The following TOR1B variants were observed in gnomAD, a reference collection of about 807,000 sequenced individuals.
TOR1B encodes the protein torsin family 1 member B, also known as torsin-1B.
Under a neutral mutation model 29.2 loss-of-function variants are expected in TOR1B, and 14 were observed. The observed-to-expected ratio is 0.48, with a 90% CI of 0.32 to 0.75. TOR1B has a LOEUF of 0.75. TOR1B is among the 30% of genes least tolerant of loss of function. The pLI, the probability that TOR1B is intolerant of heterozygous loss-of-function variation, is 0.04. For synonymous variants in TOR1B, 166 were observed against 179.8 expected (o/e 0.92, Z 0.62); for missense variants, 400 against 433.9 (o/e 0.92, Z 0.69).
Position 129,807,241 on chromosome 9 carries a change from T to C in TOR1B, c.519T>C (p.Val173=), listed in dbSNP as rs1025330729. ...ATGTGAGTGCATGTGCGAACTCTGT[T>C]TTCATATTTGACGAGATGGATAAAT... The part of the protein sequence containing the change: ...RGNVSACANS[V]FIFDEMDKLH... The change falls in exon 3 of 5, where the codon GTT becomes GTC. Residue 173 remains valine (V), a synonymous_variant. Coordinates refer to ENST00000259339, the MANE Select transcript of TOR1B (RefSeq NM_014506.3). 1 of 1,614,132 alleles carries C rather than the reference T, an allele frequency of 6.2e-7. No homozygotes were observed. The highest frequency in any genetic ancestry group is 1.1e-5 in the South Asian group (1 of 91,084).
chr9:129,806,294 CG>C (rs1332233230), intron 2 of TOR1B, among the ~76,000 whole-genome samples: 1 of 152,138 alleles, frequency 6.6e-6, no homozygotes, highest in East Asian at 1.9e-4. Flanking sequence ...CATAAATCTC[CG>C]GAAACAGAGT....
In TOR1B at chr9:129,809,742, A is replaced by G. The variant is rs1270057744; in HGVS notation, c.*159A>G. 1 of 1,432,332 alleles carries G rather than the reference A, an allele frequency of 7.0e-7. No homozygotes were observed. The highest frequency in any genetic ancestry group is 9.1e-7 in the Non-Finnish European group (1 of 1,098,570). 88.7% of individuals were successfully genotyped at this position (1,432,332 alleles called of 1,614,324 possible). A position where few individuals can be genotyped will look rare whatever the true frequency, so the allele number is the denominator to read the frequency against. On this transcript the variant is annotated 3_prime_UTR_variant, in exon 5 of 5. Coordinates refer to ENST00000259339, the MANE Select transcript of TOR1B (RefSeq NM_014506.3). Reference sequence around the variant, plus strand: ...TTTTGAGAAGAGGTCTCACTCCGTCATCCAAGCTGGAGTGCAGTGGTGCAA... The same window carrying G: ...TTTTGAGAAGAGGTCTCACTCCGTCGTCCAAGCTGGAGTGCAGTGGTGCAA...
intron 3 of TOR1B, among the ~76,000 whole-genome samples, chr9:129,807,862 GAAAT>G (rs2030597025): frequency 7.1e-6 from 1 of 139,976 alleles, no homozygotes; most frequent in African/African-American, 2.7e-5. Context: ...AAAAAAAAAA[GAAAT>G]AATCACTGAT....
At chr9:129,803,490 G>A in intron 1 of TOR1B, 79 bp downstream of exon 1, 1 of 1,260,756 alleles carries the variant, frequency 7.9e-7, no homozygotes, top group Non-Finnish European at 9.9e-7. Context: ...GGCCTCGTGG[G>A]CGCCTGGCAC....
chr9:129,810,339 G>T lies in TOR1B; in HGVS notation c.*756G>T. 1 of 1,172,376 alleles carries T rather than the reference G, an allele frequency of 8.5e-7. No homozygotes were observed. The highest frequency in any genetic ancestry group is 1.5e-5 in the South Asian group (1 of 68,840). 72.6% of individuals were successfully genotyped at this position (1,172,376 alleles called of 1,614,324 possible). A position where few individuals can be genotyped will look rare whatever the true frequency, so the allele number is the denominator to read the frequency against. Reference sequence around the variant, plus strand: ...GCACTCTTGATCTGAGCTGACCTGTGTGTGTGTGTGTGGGGGGGTGGGGCC... The same window carrying T: ...GCACTCTTGATCTGAGCTGACCTGTTTGTGTGTGTGTGGGGGGGTGGGGCC... On this transcript the variant is annotated 3_prime_UTR_variant, in exon 5 of 5. Transcript: ENST00000259339.
intron 1 of TOR1B, 59 bp from the exon 2 acceptor site, chr9:129,804,014 G>A: frequency 6.2e-7 from 1 of 1,600,344 alleles, no homozygotes; most frequent in South Asian, 1.1e-5. Context: ...AGAAAGTGCT[G>A]CGTTGCTGAT....
At chr9:129,806,120 C>CA (rs34263616) in intron 2 of TOR1B, among the ~76,000 whole-genome samples, 10,564 of 122,548 alleles carry the variant, frequency 0.086, 459 homozygotes, top group Non-Finnish European at 0.11. Flanking sequence ...GACTCTATCT[C>CA]AAAAAAAAAA....
rs1159101885 is a variant in TOR1B at position 129,809,355 on chromosome 9, C to T, written c.783C>T (p.His261=). The part of the protein sequence containing the change: ...VFNNKHSGLW[H]SGLIDKNLID... ...CTTGTTCTGCAGGTGGCCTGTGGCA[C>T]AGTGGACTGATCGACAAAAACCTCA... Residue 261 remains histidine (H), a synonymous_variant, in exon 5 of 5, where the codon CAC becomes CAT. Coordinates refer to ENST00000259339, the MANE Select transcript of TOR1B (RefSeq NM_014506.3). The T allele has an allele frequency of 6.2e-7, 1 of 1,614,184 alleles. No individual in the cohort carries two copies. The highest frequency in any genetic ancestry group is 8.5e-7 in the Non-Finnish European group (1 of 1,180,042).
At chr9:129,805,237 C>T (rs1338626362) in intron 2 of TOR1B, among the ~76,000 whole-genome samples, 1 of 151,764 alleles carries the variant, frequency 6.6e-6, no homozygotes, top group African/African-American at 2.4e-5. Flanking sequence ...GGCGGATCAC[C>T]TGAGGTCGGG....
intron 2 of TOR1B, among the ~76,000 whole-genome samples, chr9:129,805,224 G>A (rs2030409578): frequency 6.6e-6 from 1 of 152,038 alleles, no homozygotes; most frequent in Non-Finnish European, 1.5e-5. Context: ...ATCCGCCAAG[G>A]CGGGCGGATC....
Position 129,810,357 on chromosome 9 carries a change from G to GT in TOR1B, c.*775dup. On this transcript the variant is annotated 3_prime_UTR_variant, in exon 5 of 5. Coordinates refer to ENST00000259339, the MANE Select transcript of TOR1B (RefSeq NM_014506.3). ...GACCTGTGTGTGTGTGTGTGGGGGG[G>GT]TGGGGCCTTCACCTAAGACCTCTGC... is the stretch of plus-strand genomic sequence containing the variant. 9.7e-7 allele frequency: 1 copy of GT among 1,026,454 alleles called. No individual in the cohort carries two copies. Among genetic ancestry groups the GT allele is most frequent in the Non-Finnish European group, 1.3e-6 (1 of 773,190 alleles). 63.6% of individuals were successfully genotyped at this position (1,026,454 alleles called of 1,614,324 possible). A position where few individuals can be genotyped will look rare whatever the true frequency, so the allele number is the denominator to read the frequency against.
At position 129,809,517 on chromosome 9, in the gene TOR1B, C is replaced by T. The variant is rs1199275042; in HGVS notation, c.945C>T (p.Pro315=). Residue 315 remains proline, a synonymous_variant, in exon 5 of 5, where the codon CCC becomes CCT. Coordinates refer to ENST00000259339, the MANE Select transcript of TOR1B (RefSeq NM_014506.3). ...TGGCAGAGGAAATGACGTTTTTCCCCAGAGACGAGAAAATCTACTCAGACA... is the reference window on the plus strand; with the variant it reads ...TGGCAGAGGAAATGACGTTTTTCCCTAGAGACGAGAAAATCTACTCAGACA... ...TRVAEEMTFF[P]RDEKIYSDKG... The T allele has an allele frequency of 6.2e-7, 1 of 1,614,162 alleles. No individual in the cohort carries two copies. Among genetic ancestry groups the T allele is most frequent in the Non-Finnish European group, 8.5e-7 (1 of 1,180,032 alleles).
Position 129,809,886 on chromosome 9 carries a change from T to A in TOR1B, c.*303T>A, listed in dbSNP as rs1325825820. On this transcript the variant is annotated 3_prime_UTR_variant, in exon 5 of 5. Transcript: ENST00000259339. ...CCAGCTGGGATATAGAATCTAAGAG[T>A]TGATTGTGGAAAACACGTGAATCTA... 1.6e-6 allele frequency: 2 copies of A among 1,267,612 alleles called. No homozygotes were observed. Among genetic ancestry groups the A allele is most frequent in the African/African-American group, 3.0e-5 (2 of 65,774 alleles). 78.5% of individuals were successfully genotyped at this position (1,267,612 alleles called of 1,614,324 possible). A position where few individuals can be genotyped will look rare whatever the true frequency, so the allele number is the denominator to read the frequency against.
intron 2 of TOR1B, chr9:129,804,597 C>A: frequency 2.3e-6 from 1 of 439,698 alleles, no homozygotes; most frequent in South Asian, 3.3e-5. Context: ...CCGTGGCTCA[C>A]GCCTGTAATC....
intron 2 of TOR1B, chr9:129,804,559 T>A: frequency 1.7e-6 from 1 of 572,610 alleles, no homozygotes; most frequent in Non-Finnish European, 2.9e-6. Flanking sequence ...TTATTTCCAT[T>A]AAAAGATGGG....
Position 129,809,803 on chromosome 9 carries a change from G to A in TOR1B, c.*220G>A. On this transcript the variant is annotated 3_prime_UTR_variant, in exon 5 of 5. Coordinates refer to ENST00000259339, the MANE Select transcript of TOR1B (RefSeq NM_014506.3). ...ACTGCAACCTCCGCTCCCGGTTTGA[G>A]TGATTCTCATGCCTCAGCCTCCCGA... The A allele has an allele frequency of 7.2e-7, 1 of 1,391,326 alleles. No individual in the cohort carries two copies. Among genetic ancestry groups the A allele is most frequent in the East Asian group, 2.8e-5 (1 of 36,150 alleles). The allele number at this position is 1,391,326 out of a possible 1,614,324, so 86.2% of individuals were successfully genotyped here.
chr9:129,809,256 G>T, intron 4 of TOR1B, 86 bp from the exon 5 acceptor site: 2 of 1,593,068 alleles, frequency 1.3e-6, no homozygotes, highest in South Asian at 2.3e-5. Flanking sequence ...AAGGGGTACG[G>T]ACATGAGGAA....
intron 1 of TOR1B, 38 bp from the exon 2 acceptor site, chr9:129,804,035 G>T: frequency 6.2e-7 from 1 of 1,608,706 alleles, no homozygotes; most frequent in South Asian, 1.1e-5. Flanking sequence ...GCATTTTTAA[G>T]GTCTGTTTCT....
chr9:129,804,446 C>T (rs1588207082), intron 2 of TOR1B, 108 bp downstream of exon 2: 16 of 1,419,510 alleles, frequency 1.1e-5, no homozygotes, highest in Non-Finnish European at 1.5e-5. Context: ...GCTGTAGCCC[C>T]CGGCTCCACT....
Sources: gnomAD v4.1 joint callset for allele counts (sites outside exome capture counted in the v4.1 genomes callset) on GRCh38, gnomAD v4.1.1 for gene constraint, MANE v1.5 for transcripts, NCBI Gene and HGNC (gene_info 2026-07-23, HGNC 2026-07-21) for gene names.